Variants in UBE3D observed in about 807,000 individuals in gnomAD.
UBE3D encodes the protein E3 ubiquitin-protein ligase E3D.
Under a neutral mutation model 49.6 loss-of-function variants are expected in UBE3D, and 48 were observed. The ratio of observed to expected loss-of-function variants is 0.97; its 90% CI spans 0.77 to 1.23. UBE3D has a LOEUF of 1.23. UBE3D is among the 50% of genes most tolerant of loss of function. UBE3D has a pLI of 0.00. For missense variants in UBE3D, 452 were observed against 468.4 expected, an observed-to-expected ratio of 0.96 and a Z score of 0.32; for synonymous variants, 189 against 174.2, an observed-to-expected ratio of 1.08 and a Z score of -0.67.
At chr6:83,055,416 AG>A (rs1388483124) in intron 2 of UBE3D, among the ~76,000 whole-genome samples, 1 of 152,222 alleles carries the variant, frequency 6.6e-6, no homozygotes, top group African/African-American at 2.4e-5. Flanking sequence ...ACAGTTTTTA[AG>A]GGGTGGCCAG....
intron 9 of UBE3D, among the ~76,000 whole-genome samples, chr6:82,918,324 C>T (rs1434662971): frequency 1.3e-5 from 2 of 151,590 alleles, no homozygotes; most frequent in East Asian, 3.9e-4. Context: ...CCTTTCATTT[C>T]CTGAATCTCA....
chr6:82,925,376 T>C (rs1773671504), intron 9 of UBE3D, among the ~76,000 whole-genome samples: 2 of 152,208 alleles, frequency 1.3e-5, no homozygotes, highest in South Asian at 2.1e-4. Flanking sequence ...CCTTCCTTAC[T>C]GACCCGACTT....
intron 8 of UBE3D, among the ~76,000 whole-genome samples, chr6:82,990,182 T>C (rs2127730744): frequency 6.6e-6 from 1 of 152,286 alleles, no homozygotes; most frequent in South Asian, 2.1e-4. Flanking sequence ...GTGGCTGAAG[T>C]TGTTTGTGAA....
chr6:83,018,041 G>A (rs920844038), intron 8 of UBE3D: 4 of 152,088 alleles, frequency 2.6e-5, no homozygotes, highest in Non-Finnish European at 5.9e-5. Flanking sequence ...TCTGGAGCGG[G>A]ATATAATTTT....
chr6:83,044,295 G>T, intron 4 of UBE3D, 133 bp downstream of exon 4: 1 of 796,758 alleles, frequency 1.3e-6, no homozygotes, highest in Non-Finnish European at 2.0e-6. Context: ...CAACGATAGC[G>T]ATGACAGTTG....
intron 9 of UBE3D, among the ~76,000 whole-genome samples, chr6:82,909,459 T>C (rs1381264273): frequency 6.6e-6 from 1 of 152,204 alleles, no homozygotes; most frequent in East Asian, 1.9e-4. Flanking sequence ...AGCTAAGCCA[T>C]TCAAGAGATA....
At chr6:83,022,372 A>C in intron 7 of UBE3D, 81 bp downstream of exon 7, 1 of 937,598 alleles carries the variant, frequency 1.1e-6, no homozygotes, top group Non-Finnish European at 1.5e-6. Context: ...CTGAGAATTA[A>C]GAAAAAAGGA....
chr6:82,886,457 G>A, the UBE3D span, among the ~76,000 whole-genome samples: 1 of 152,158 alleles, frequency 6.6e-6, no homozygotes, highest in Non-Finnish European at 1.5e-5. Context: ...ACCTCCTGCT[G>A]TGTAGCCCAG....
At chr6:82,951,571 G>C (rs1775801300) in intron 9 of UBE3D, among the ~76,000 whole-genome samples, 1 of 152,216 alleles carries the variant, frequency 6.6e-6, no homozygotes, top group Non-Finnish European at 1.5e-5. Flanking sequence ...GGGAGAGGCA[G>C]AGTTTAGCCA....
intron 8 of UBE3D, among the ~76,000 whole-genome samples, chr6:83,004,723 C>T (rs1779855821): frequency 6.6e-6 from 1 of 152,188 alleles, no homozygotes; most frequent in Admixed American, 6.5e-5. Flanking sequence ...TAGCAGGTTA[C>T]ACAACTATTA....
At chr6:82,973,333 G>A (rs1777483063) in intron 8 of UBE3D, among the ~76,000 whole-genome samples, 1 of 152,106 alleles carries the variant, frequency 6.6e-6, no homozygotes, top group African/African-American at 2.4e-5. Flanking sequence ...CTCATTAACT[G>A]ACTTGCAGAG....
chr6:82,973,401 C>T (rs1485902241), intron 8 of UBE3D, among the ~76,000 whole-genome samples: 1 of 152,140 alleles, frequency 6.6e-6, no homozygotes, highest in East Asian at 1.9e-4. Context: ...ACTTTATGCA[C>T]TAAAAGGCAT....
chr6:82,927,982 T>C (rs922767971), intron 9 of UBE3D, among the ~76,000 whole-genome samples: 4 of 152,040 alleles, frequency 2.6e-5, no homozygotes, highest in Admixed American at 6.6e-5. Flanking sequence ...CATCATTATA[T>C]ATTTTTTCAA....
rs1166758485 is a variant in UBE3D, at chr6:83,003,174, C to T, written c.1010+15799G>A. On this transcript the variant is annotated intron_variant, in intron 8 of 9. Transcript: ENST00000369747. ...AGGTCTGACTTATAAAACTATCTCA[C>T]ATACGATTAGAAAACATAGAACAGA... is the stretch of plus-strand genomic sequence containing the variant. 2.0e-5 allele frequency among the ~76,000 whole-genome samples: 3 copies of T among 152,152 alleles called. No homozygotes were observed. In the East Asian group the frequency reaches 5.8e-4, roughly 29 times the overall value.
intron 9 of UBE3D, among the ~76,000 whole-genome samples, chr6:82,900,155 T>C (rs1028607112): frequency 5.3e-5 from 8 of 152,240 alleles, no homozygotes; most frequent in Admixed American, 6.5e-5. Context: ...AAATCACCAC[T>C]GTGCTGCCCT....
intron 8 of UBE3D, among the ~76,000 whole-genome samples, chr6:83,001,102 C>T (rs1344823830): frequency 2.0e-5 from 3 of 152,152 alleles, no homozygotes; most frequent in Non-Finnish European, 4.4e-5. Flanking sequence ...CGTTGGCTTC[C>T]CAAAGTGCTG....
At chr6:82,995,879 C>T (rs1288801934) in intron 8 of UBE3D, among the ~76,000 whole-genome samples, 1 of 151,994 alleles carries the variant, frequency 6.6e-6, no homozygotes, top group African/African-American at 2.4e-5. Context: ...CCAGCCTGGC[C>T]AACATGAGGA....
chr6:82,922,450 C>T (rs375268589), intron 9 of UBE3D, among the ~76,000 whole-genome samples: 2 of 152,148 alleles, frequency 1.3e-5, no homozygotes, highest in South Asian at 4.2e-4. Flanking sequence ...AAAGAGGAAA[C>T]TCAGAAACCT....
intron 8 of UBE3D, among the ~76,000 whole-genome samples, chr6:82,989,298 C>A (rs983784245): frequency 6.6e-6 from 1 of 151,964 alleles, no homozygotes; most frequent in African/African-American, 2.4e-5. Context: ...CTTCCTTAGA[C>A]CAGGAGAGAA....
Sources: allele counts gnomAD v4.1 joint callset (sites outside exome capture counted in the v4.1 genomes callset), GRCh38; gene constraint gnomAD v4.1.1; transcripts MANE v1.5; gene names NCBI Gene and HGNC (gene_info 2026-07-23, HGNC 2026-07-21).